Variants in ARHGAP6 observed in about 807,000 individuals in gnomAD.
ARHGAP6 encodes the protein Rho GTPase activating protein 6.
Under a neutral mutation model 55.7 loss-of-function variants are expected in ARHGAP6, and 16 were observed. That is an observed-to-expected ratio of 0.29 (90% CI 0.19 to 0.44). The LOEUF is 0.44. Ranked by LOEUF, ARHGAP6 falls within the 20% of genes least tolerant of loss-of-function variation. The pLI, the probability that ARHGAP6 is intolerant of heterozygous loss-of-function variation, is 1.00. For missense variants in ARHGAP6, 698 were observed against 808.9 expected (o/e 0.86, Z 1.66); for synonymous variants, 382 against 360.9 (o/e 1.06, Z -0.66).
At chrX:11,403,340 A>T (rs1286791415) in intron 1 of ARHGAP6, among the ~76,000 whole-genome samples, 1 of 111,665 alleles carries the variant, frequency 9.0e-6, no homozygotes, top group East Asian at 2.8e-4. Context: ...GTCAAATACG[A>T]CAGCCACTAG....
chrX:11,186,763 A>G (rs2046391325), intron 4 of ARHGAP6, among the ~76,000 whole-genome samples: 1 of 112,037 alleles, frequency 8.9e-6, no homozygotes, highest in African/African-American at 3.2e-5. Flanking sequence ...GAAAAAAATT[A>G]CATACTCAAT....
chrX:11,491,763 G>T (rs1424400300), intron 1 of ARHGAP6, among the ~76,000 whole-genome samples: 3 of 110,416 alleles, frequency 2.7e-5, no homozygotes, highest in Non-Finnish European at 5.7e-5. Context: ...GGTATTTCTA[G>T]TTCTAGATCC....
chrX:11,368,054 T>C (rs2049102759), intron 1 of ARHGAP6, among the ~76,000 whole-genome samples: 2 of 112,461 alleles, frequency 1.8e-5, no homozygotes, highest in Non-Finnish European at 3.8e-5. Context: ...ACCCACAAGT[T>C]TTGACTGATC....
At chrX:11,395,942 T>TA (rs754941625) in intron 1 of ARHGAP6, among the ~76,000 whole-genome samples, 332 of 111,601 alleles carry the variant, frequency 3.0e-3, no homozygotes, top group Non-Finnish European at 5.1e-3. Flanking sequence ...ATATGGCTTT[T>TA]AAAAAAATAG....
At chrX:11,211,221 T>C (rs943120088) in intron 2 of ARHGAP6, among the ~76,000 whole-genome samples, 4 of 107,145 alleles carry the variant, frequency 3.7e-5, no homozygotes, top group Non-Finnish European at 7.7e-5. Context: ...CGAGAACTGC[T>C]GTTTTTTTTT....
In ARHGAP6 at chrX:11,572,129, A is replaced by G. The variant is rs1176101788; in HGVS notation, c.588+92112T>C. Among the ~76,000 whole-genome samples, 3 of 111,693 alleles carry G rather than the reference A, an allele frequency of 2.7e-5. No homozygotes were observed. The East Asian group carries it at 8.4e-4, about 31-fold the overall frequency. On this transcript the variant is annotated intron_variant, in intron 1 of 12. Transcript: ENST00000337414. The stretch of plus-strand genomic sequence containing the variant: ...TGATTGACCTATTAGATGCTAAACT[A>G]TTTGTACTATCAGGATAATCAAATC...
chrX:11,590,920 A>AG lies in ARHGAP6; in HGVS notation c.588+73320_588+73321insC, dbSNP rs1236765749. Among the ~76,000 whole-genome samples the AG allele has an allele frequency of 7.8e-4, 51 of 65,475 alleles. 5 individuals are homozygous for AG. Among genetic ancestry groups the AG allele is most frequent in the African/African-American group, 3.2e-3 (49 of 15,227 alleles). The allele number at this position is 65,475 out of a possible 115,157, so 56.9% of individuals were successfully genotyped here. A position where few individuals can be genotyped will look rare whatever the true frequency, so the allele number is the denominator to read the frequency against. On this transcript the variant is annotated intron_variant, in intron 1 of 12. Transcript: ENST00000337414. ...AAAGAAAGAAAGAAAGAAAGAAAAG[A>AG]AAAGAAAAGATAAGTTAAGTTGAAT... is the stretch of plus-strand genomic sequence containing the variant.
chrX:11,653,028 A>AATGAGATGGGCCTTGAAAAGCAC, intron 1 of ARHGAP6, among the ~76,000 whole-genome samples: 1 of 112,007 alleles, frequency 8.9e-6, no homozygotes, highest in Non-Finnish European at 1.9e-5. Flanking sequence ...AAAGATGTTG[A>AATGAGATGGGCCTTGAAAAGCAC]ATGAGATGGG....
At chrX:11,371,213 G>C (rs1205321377) in intron 1 of ARHGAP6, among the ~76,000 whole-genome samples, 3 of 111,822 alleles carry the variant, frequency 2.7e-5, no homozygotes, top group African/African-American at 9.7e-5. Flanking sequence ...TCCCTCACCA[G>C]ATTGGTTCTA....
intron 1 of ARHGAP6, among the ~76,000 whole-genome samples, chrX:11,324,127 A>G (rs1233896949): frequency 1.8e-5 from 2 of 112,123 alleles, no homozygotes; most frequent in Admixed American, 1.9e-4. Flanking sequence ...TTGCACTTAG[A>G]TCAGCTGCAG....
intron 1 of ARHGAP6, among the ~76,000 whole-genome samples, chrX:11,578,673 T>C (rs1475926534): frequency 1.8e-5 from 2 of 111,812 alleles, no homozygotes. Flanking sequence ...AGTGATCCCA[T>C]TACTGGGTAT....
At chrX:11,549,989 C>T (rs5935103) in intron 1 of ARHGAP6, among the ~76,000 whole-genome samples, 2,262 of 111,943 alleles carry the variant, frequency 0.02, 32 homozygotes, top group Middle Eastern at 0.064. Context: ...TTATTATCTA[C>T]AGAATGCTTG....
intron 1 of ARHGAP6, among the ~76,000 whole-genome samples, chrX:11,436,226 T>A (rs981073647): frequency 7.1e-5 from 8 of 112,415 alleles, no homozygotes; most frequent in African/African-American, 2.6e-4. Context: ...AGTCTGAGAT[T>A]TGGAACAAAA....
intron 1 of ARHGAP6, among the ~76,000 whole-genome samples, chrX:11,398,980 T>C (rs1412137808): frequency 1.8e-5 from 2 of 112,143 alleles, no homozygotes; most frequent in African/African-American, 3.2e-5. Flanking sequence ...TGATTCACTG[T>C]TTCAAAATAA....
At chrX:11,466,714 C>T (rs2050296998) in intron 1 of ARHGAP6, among the ~76,000 whole-genome samples, 1 of 111,327 alleles carries the variant, frequency 9.0e-6, no homozygotes, top group South Asian at 3.8e-4. Context: ...ATGTTGCCCA[C>T]ACTGATCTTG....
rs200101076 is a variant in ARHGAP6 at position 11,298,772 on chromosome X, C to T, written c.589-44065G>A. The stretch of plus-strand genomic sequence containing the variant: ...ACCAGCCAAACCTCCCTCCGCCCGC[C>T]CAGCAGCCCTACCAGCCCCAGCCTG... On this transcript the variant is annotated intron_variant, in intron 1 of 12. Coordinates refer to ENST00000337414, the MANE Select transcript of ARHGAP6 (RefSeq NM_013427.3). 146 of 1,208,774 alleles carry T rather than the reference C, an allele frequency of 1.2e-4. No homozygotes were observed. In the Admixed American group the frequency reaches 3.1e-3, roughly 26 times the overall value.
chrX:11,288,803 G>A (rs990947696), intron 1 of ARHGAP6, among the ~76,000 whole-genome samples: 20 of 111,916 alleles, frequency 1.8e-4, no homozygotes, highest in African/African-American at 6.5e-4. Flanking sequence ...TGTTTTCAAG[G>A]TTCATCCATG....
intron 2 of ARHGAP6, among the ~76,000 whole-genome samples, chrX:11,227,540 T>C (rs960004912): frequency 1.1e-4 from 12 of 111,514 alleles, no homozygotes; most frequent in African/African-American, 3.3e-4. Flanking sequence ...CAATACTATC[T>C]TCCTAACACT....
Position 11,354,266 on chromosome X carries a change from GCT to G in ARHGAP6, c.589-99561_589-99560del, listed in dbSNP as rs1182351194. Among the ~76,000 whole-genome samples the G allele has an allele frequency of 3.8e-3, 276 of 73,064 alleles. 2 individuals are homozygous for G. The highest frequency in any genetic ancestry group is 9.5e-3 in the African/African-American group (171 of 18,011). The allele number at this position is 73,064 out of a possible 115,157, so 63.4% of individuals were successfully genotyped here. A position where few individuals can be genotyped will look rare whatever the true frequency, so the allele number is the denominator to read the frequency against. On this transcript the variant is annotated intron_variant, in intron 1 of 12. Coordinates refer to ENST00000337414, the MANE Select transcript of ARHGAP6 (RefSeq NM_013427.3). ...ATGTAGTACCTGGCACATGGAAAGA[GCT>G]CTCTCTCTCTCTCTCTCTCTCTCTC...
Sources: allele counts gnomAD v4.1 joint callset (sites outside exome capture counted in the v4.1 genomes callset), GRCh38; gene constraint gnomAD v4.1.1; transcripts MANE v1.5; gene names NCBI Gene and HGNC (gene_info 2026-07-23, HGNC 2026-07-21).